Variants in ADGRL2 observed in about 807,000 individuals in gnomAD.
ADGRL2 encodes calcium-independent alpha-latrotoxin receptor 2.
In ADGRL2, 44 loss-of-function variants were observed where a neutral mutation model predicts 157.4. The ratio of observed to expected loss-of-function variants is 0.28; its 90% CI spans 0.22 to 0.36. The LOEUF (loss-of-function observed/expected upper bound fraction) is 0.36, where lower values mean the gene tolerates loss of function less well. Among genes scored for constraint, ADGRL2 ranks in the 10% least tolerant of loss-of-function variants. The pLI is 1.00. For synonymous variants in ADGRL2, 585 were observed against 624.7 expected (o/e 0.94, Z 0.95); for missense variants, 1,510 against 1,768.9 (o/e 0.85, Z 2.63).
At position 81,990,887 on chromosome 1, in the gene ADGRL2, C is replaced by G; in HGVS notation, c.4152C>G (p.Ser1384Arg). Residue 1384 changes from serine to arginine, a missense_variant, in exon 24 of 24, where the codon AGC becomes AGG. Transcript: ENST00000686636. ...QSPNRDSLYT[S>R]MPNLRDSPYP... ...CCAACAGAGACTCTCTTTATACAAG[C>G]ATGCCCAATCTTAGAGACTCTCCCT... The G allele has an allele frequency of 6.2e-7, 1 of 1,614,140 alleles. No homozygotes were observed. Among genetic ancestry groups the G allele is most frequent in the Non-Finnish European group, 8.5e-7 (1 of 1,180,024 alleles).
At chr1:81,957,358 G>A (rs1382256656) in intron 11 of ADGRL2, among the ~76,000 whole-genome samples, 1 of 152,058 alleles carries the variant, frequency 6.6e-6, no homozygotes, top group African/African-American at 2.4e-5. Flanking sequence ...ACAATTAAAT[G>A]TCCAGGAATA....
At chr1:81,527,728 C>T (rs1053558590) in intron 2 of ADGRL2, among the ~76,000 whole-genome samples, 2 of 150,380 alleles carry the variant, frequency 1.3e-5, no homozygotes, top group East Asian at 2.0e-4. Context: ...AAAAAGTGAT[C>T]GGAGGGAGCT....
chr1:81,887,235 A>G (rs920973337), intron 2 of ADGRL2, among the ~76,000 whole-genome samples: 3 of 152,236 alleles, frequency 2.0e-5, no homozygotes, highest in African/African-American at 4.8e-5. Context: ...AATGTGCAGA[A>G]CAGCCACCCA....
chr1:81,780,310 A>G (rs947239476), intron 2 of ADGRL2, among the ~76,000 whole-genome samples: 1 of 152,206 alleles, frequency 6.6e-6, no homozygotes. Context: ...TAATATTAAC[A>G]AGCAGCATGA....
intron 2 of ADGRL2, among the ~76,000 whole-genome samples, chr1:81,455,073 T>C (rs35042090): frequency 0.48 from 72,849 of 152,088 alleles, 19,537 homozygotes; most frequent in Non-Finnish European, 0.59. Context: ...ACAGACATGG[T>C]TTAGGCAACT....
upstream of ADGRL2, among the ~76,000 whole-genome samples, chr1:81,698,131 A>T (rs1014985686): frequency 6.6e-6 from 1 of 152,204 alleles, no homozygotes; most frequent in African/African-American, 2.4e-5. Flanking sequence ...AATAACTTTC[A>T]TGTGGAATAA....
Position 81,888,762 on chromosome 1 carries a change from A to G in ADGRL2, c.74-18255A>G, listed in dbSNP as rs527332678. ...CCACTGCGCCCGGCCTGCTTTTTTTATAAATTGAAGGTTTATGGAAACCTT... is the reference window on the plus strand; with the variant it reads ...CCACTGCGCCCGGCCTGCTTTTTTTGTAAATTGAAGGTTTATGGAAACCTT... On this transcript the variant is annotated intron_variant, in intron 2 of 23. Coordinates refer to ENST00000686636, the MANE Select transcript of ADGRL2 (RefSeq NM_001366006.2). Among the ~76,000 whole-genome samples the G allele has an allele frequency of 2.0e-5, 3 of 152,068 alleles. No individual in the cohort carries two copies. The East Asian group carries it at 5.8e-4, about 30-fold the overall frequency.
At chr1:81,552,848 A>G (rs1193635260) in intron 2 of ADGRL2, among the ~76,000 whole-genome samples, 1 of 152,206 alleles carries the variant, frequency 6.6e-6, no homozygotes, top group Non-Finnish European at 1.5e-5. Flanking sequence ...TTTAATAAAC[A>G]TGTATTCCAA....
chr1:81,748,636 C>A (rs551572817), intron 1 of ADGRL2, among the ~76,000 whole-genome samples: 2 of 151,264 alleles, frequency 1.3e-5, no homozygotes, highest in African/African-American at 4.9e-5. Context: ...TTGTCTATCT[C>A]AGTCTCTTAT....
chr1:81,889,655 G>C (rs901443064), intron 2 of ADGRL2, among the ~76,000 whole-genome samples: 17 of 152,286 alleles, frequency 1.1e-4, no homozygotes, highest in Admixed American at 6.5e-4. Context: ...GATGGAGGTG[G>C]CTACACTAAA....
chr1:81,493,484 A>G (rs982975744), intron 2 of ADGRL2, among the ~76,000 whole-genome samples: 3 of 152,246 alleles, frequency 2.0e-5, no homozygotes, highest in East Asian at 3.9e-4. Flanking sequence ...TTTTAGGCCT[A>G]TTTCTCAAAA....
intron 3 of ADGRL2, among the ~76,000 whole-genome samples, chr1:81,687,830 G>C (rs1274864232): frequency 2.0e-5 from 3 of 152,146 alleles, no homozygotes; most frequent in African/African-American, 7.2e-5. Flanking sequence ...TCAAGGTTTA[G>C]AGCTCCTTTT....
intron 3 of ADGRL2, among the ~76,000 whole-genome samples, chr1:81,661,191 T>A (rs1427659933): frequency 6.6e-6 from 1 of 152,224 alleles, no homozygotes; most frequent in Admixed American, 6.5e-5. Context: ...TAAGCATTTT[T>A]TTTATTAATC....
chr1:81,916,755 T>C (rs2094864187), intron 3 of ADGRL2, among the ~76,000 whole-genome samples: 3 of 151,966 alleles, frequency 2.0e-5, no homozygotes, highest in African/African-American at 4.8e-5. Context: ...GCAAACATAA[T>C]TGGGGCAAAA....
At chr1:81,662,712 G>A (rs1163541376) in intron 3 of ADGRL2, among the ~76,000 whole-genome samples, 4 of 151,014 alleles carry the variant, frequency 2.6e-5, no homozygotes, top group Non-Finnish European at 5.9e-5. Flanking sequence ...CCACCACAGT[G>A]CCCGGCTAAT....
intron 1 of ADGRL2, among the ~76,000 whole-genome samples, chr1:81,731,268 G>A (rs1168693415): frequency 3.3e-5 from 5 of 152,098 alleles, no homozygotes; most frequent in African/African-American, 1.2e-4. Flanking sequence ...TATGTTACTT[G>A]AGTTCATTAA....
At chr1:81,365,231 A>C (rs1002811251) in intron 1 of ADGRL2, among the ~76,000 whole-genome samples, 1 of 152,224 alleles carries the variant, frequency 6.6e-6, no homozygotes. Flanking sequence ...GCTAGAAGTC[A>C]GGAATTGGAA....
intron 1 of ADGRL2, among the ~76,000 whole-genome samples, chr1:81,424,256 G>A (rs1465610206): frequency 6.6e-6 from 1 of 152,220 alleles, no homozygotes; most frequent in Non-Finnish European, 1.5e-5. Context: ...AGCTGTATCT[G>A]TTGACCATCA....
chr1:81,520,094 G>C (rs1252074536), intron 2 of ADGRL2, among the ~76,000 whole-genome samples: 1 of 152,098 alleles, frequency 6.6e-6, no homozygotes, highest in Non-Finnish European at 1.5e-5. Flanking sequence ...GCCATTTTGG[G>C]ATCATGAAGG....
Sources: gnomAD v4.1 joint callset for allele counts (sites outside exome capture counted in the v4.1 genomes callset) on GRCh38, gnomAD v4.1.1 for gene constraint, MANE v1.5 for transcripts, NCBI Gene and HGNC (gene_info 2026-07-23, HGNC 2026-07-21) for gene names.